RIMS1: variants seen among roughly 807,000 people sequenced by gnomAD.
RIMS1 encodes the protein regulating synaptic membrane exocytosis 1.
In RIMS1, 83 loss-of-function variants were observed where a neutral mutation model predicts 214.1. The ratio of observed to expected loss-of-function variants is 0.39; its 90% CI spans 0.32 to 0.47. RIMS1 has a LOEUF of 0.47. Ranked by LOEUF, RIMS1 falls within the 20% of genes least tolerant of loss-of-function variation. RIMS1 has a pLI of 0.99. For missense variants in RIMS1, 2,050 were observed against 2,161.8 expected, an observed-to-expected ratio of 0.95 and a Z score of 1.03; for synonymous variants, 793 against 786.8, an observed-to-expected ratio of 1.01 and a Z score of -0.13.
chr6:72,103,995 T>A (rs950050660), intron 4 of RIMS1, among the ~76,000 whole-genome samples: 4 of 152,220 alleles, frequency 2.6e-5, no homozygotes, highest in Non-Finnish European at 5.9e-5. Context: ...TGAATTTTTT[T>A]AAGACATATT....
intron 7 of RIMS1, 97 bp downstream of exon 7, chr6:72,233,937 G>GCCCTTACCAAAT: frequency 1.3e-6 from 1 of 763,252 alleles, no homozygotes; most frequent in Non-Finnish European, 2.2e-6. Context: ...TTATTCATTT[G>GCCCTTACCAAAT]GTAAGGGCAA....
intron 29 of RIMS1, among the ~76,000 whole-genome samples, chr6:72,366,336 T>C (rs2098018206): frequency 6.6e-6 from 1 of 152,210 alleles, no homozygotes; most frequent in African/African-American, 2.4e-5. Context: ...CTTAATTGTG[T>C]AAAAACCTTT....
chr6:72,173,245 T>C (rs2047261091), intron 4 of RIMS1, among the ~76,000 whole-genome samples: 1 of 152,130 alleles, frequency 6.6e-6, no homozygotes, highest in South Asian at 2.1e-4. Flanking sequence ...CAACATTTTC[T>C]TTCTGGATAC....
intron 10 of RIMS1, 123 bp downstream of exon 10, chr6:72,242,560 GCATA>G: frequency 6.3e-6 from 4 of 633,792 alleles, no homozygotes; most frequent in Non-Finnish European, 1.0e-5. Flanking sequence ...TCAATTATGG[GCATA>G]CATTTTTAGA....
chr6:72,131,275 G>A (rs1490064958), intron 4 of RIMS1, among the ~76,000 whole-genome samples: 2 of 152,136 alleles, frequency 1.3e-5, no homozygotes, highest in African/African-American at 4.8e-5. Flanking sequence ...CCTAACAACT[G>A]TGACTAAATT....
intron 2 of RIMS1, among the ~76,000 whole-genome samples, chr6:72,090,612 G>A (rs1185838166): frequency 6.6e-6 from 1 of 152,110 alleles, no homozygotes; most frequent in East Asian, 1.9e-4. Flanking sequence ...GGACAATTGT[G>A]TTGTGGGGAC....
At position 72,061,449 on chromosome 6, in the gene RIMS1, G is replaced by A. The variant is rs184669145; in HGVS notation, c.246-35500G>A. 1.4e-4 allele frequency among the ~76,000 whole-genome samples: 21 copies of A among 152,332 alleles called. No individual in the cohort carries two copies. The East Asian group carries it at 3.9e-3, about 28-fold the overall frequency. Reference sequence around the variant, plus strand: ...AAGCATGTGCTTACATTTAGATTATGTTTAATAGTAAGTATGGGTTGACAG... The same window carrying A: ...AAGCATGTGCTTACATTTAGATTATATTTAATAGTAAGTATGGGTTGACAG... On this transcript the variant is annotated intron_variant, in intron 2 of 33. Transcript: ENST00000521978.
At chr6:72,164,790 G>A (rs564878701) in intron 4 of RIMS1, among the ~76,000 whole-genome samples, 6 of 152,130 alleles carry the variant, frequency 3.9e-5, no homozygotes, top group Non-Finnish European at 5.9e-5. Context: ...TCAAATCCTG[G>A]TTTGCAAACA....
intron 8 of RIMS1, among the ~76,000 whole-genome samples, chr6:72,236,666 T>A (rs1399394840): frequency 6.6e-6 from 1 of 152,062 alleles, no homozygotes; most frequent in Non-Finnish European, 1.5e-5. Context: ...CTTTTATTGT[T>A]AGGTCACTTT....
chr6:72,332,766 T>C (rs1377096443), intron 28 of RIMS1, among the ~76,000 whole-genome samples: 1 of 151,814 alleles, frequency 6.6e-6, no homozygotes, highest in Admixed American at 6.6e-5. Context: ...TAGTTTACTT[T>C]GGCTAGTAGA....
chr6:72,101,633 T>C (rs995470874), intron 4 of RIMS1, among the ~76,000 whole-genome samples: 16 of 152,058 alleles, frequency 1.1e-4, no homozygotes, highest in Admixed American at 7.9e-4. Flanking sequence ...ATAAAACTTT[T>C]CTAAAAGTAA....
At chr6:71,895,902 G>A (rs1459475254) in intron 1 of RIMS1, among the ~76,000 whole-genome samples, 2 of 152,112 alleles carry the variant, frequency 1.3e-5, no homozygotes, top group African/African-American at 4.8e-5. Context: ...AGATTACTTA[G>A]CGTATTGGTA....
At chr6:72,280,932 A>G (rs1447556927) in intron 23 of RIMS1, among the ~76,000 whole-genome samples, 1 of 152,126 alleles carries the variant, frequency 6.6e-6, no homozygotes, top group East Asian at 1.9e-4. Flanking sequence ...CTACTGAAAT[A>G]TTTAAAATTA....
chr6:72,215,144 C>T (rs1441732680), intron 6 of RIMS1, among the ~76,000 whole-genome samples: 1 of 152,168 alleles, frequency 6.6e-6, no homozygotes, highest in Non-Finnish European at 1.5e-5. Flanking sequence ...CTTCTGTATA[C>T]TTGCTGGACC....
chr6:72,362,320 G>C (rs1293602687), intron 29 of RIMS1, among the ~76,000 whole-genome samples: 3 of 152,046 alleles, frequency 2.0e-5, no homozygotes, highest in Admixed American at 2.0e-4. Context: ...TTTAAAATGA[G>C]TATTACCATA....
At chr6:72,368,850 G>C (rs1248717877) in intron 29 of RIMS1, among the ~76,000 whole-genome samples, 1 of 152,076 alleles carries the variant, frequency 6.6e-6, no homozygotes, top group Non-Finnish European at 1.5e-5. Context: ...TATCACTACA[G>C]CTTAGGGTGG....
intron 4 of RIMS1, among the ~76,000 whole-genome samples, chr6:72,120,462 G>A (rs1433590355): frequency 1.3e-5 from 2 of 151,910 alleles, no homozygotes; most frequent in African/African-American, 4.8e-5. Context: ...CTTTTGAGAA[G>A]TATCTGTTCA....
chr6:72,035,018 T>A (rs1450632776), intron 2 of RIMS1, among the ~76,000 whole-genome samples: 1 of 152,194 alleles, frequency 6.6e-6, no homozygotes, highest in African/African-American at 2.4e-5. Flanking sequence ...TGCCAGTTGC[T>A]GACAGCTGAG....
chr6:72,122,820 A>T (rs1318137696), intron 4 of RIMS1, among the ~76,000 whole-genome samples: 1 of 151,678 alleles, frequency 6.6e-6, no homozygotes, highest in African/African-American at 2.4e-5. Flanking sequence ...ATCAGTGGTG[A>T]TATCCCCTTT....
Sources: gnomAD v4.1 joint callset for allele counts (sites outside exome capture counted in the v4.1 genomes callset) on GRCh38, gnomAD v4.1.1 for gene constraint, MANE v1.5 for transcripts, NCBI Gene and HGNC (gene_info 2026-07-23, HGNC 2026-07-21) for gene names.